Variants in LRCH2 observed in about 807,000 individuals in gnomAD.
The protein encoded by LRCH2 is leucine-rich repeat and calponin homology domain-containing protein 2.
A neutral mutation model predicts 68.9 loss-of-function variants in LRCH2; 38 were observed. That is an observed-to-expected ratio of 0.55 (90% CI 0.43 to 0.72). LRCH2 has a LOEUF of 0.72. Ranked by LOEUF, LRCH2 falls within the 30% of genes least tolerant of loss-of-function variation. The pLI is 0.00. For synonymous variants in LRCH2, 191 were observed against 208.1 expected, an observed-to-expected ratio of 0.92 and a Z score of 0.71; for missense variants, 528 against 572.9, an observed-to-expected ratio of 0.92 and a Z score of 0.80.
In LRCH2 at chrX:115,124,010, A is replaced by G; in HGVS notation, c.1792-8T>C. ...ATCAGTTCTGTCATATTCCTAAAAA[A>G]AAATTAAAAAGTTAAAAATAAATAA... On this transcript the variant is annotated splice_region_variant and splice_polypyrimidine_tract_variant and intron_variant, in intron 16 of 20. Coordinates refer to ENST00000317135, the MANE Select transcript of LRCH2 (RefSeq NM_020871.4). 1 of 1,012,855 alleles carries G rather than the reference A, an allele frequency of 9.9e-7. No individual in the cohort carries two copies. Among genetic ancestry groups the G allele is most frequent in the Middle Eastern group, 3.9e-4 (1 of 2,539 alleles). 83.5% of individuals were successfully genotyped at this position (1,012,855 alleles called of 1,213,427 possible).
chrX:115,113,522 T>G (rs1174303059), intron 20 of LRCH2, among the ~76,000 whole-genome samples, 187 bp from the exon 21 acceptor site: 3 of 111,327 alleles, frequency 2.7e-5, no homozygotes, highest in African/African-American at 9.7e-5. Context: ...GAAAAAAGAT[T>G]ATAGAAGTCG....
At chrX:115,170,239 A>T in intron 6 of LRCH2, 60 bp downstream of exon 6, 1 of 1,049,327 alleles carries the variant, frequency 9.5e-7, no homozygotes, top group Non-Finnish European at 1.3e-6. Context: ...ATTAATAAGT[A>T]TATTTCATAA....
At position 115,147,569 on chromosome X, in the gene LRCH2, C is replaced by A. The variant is rs1208865148; in HGVS notation, c.1695+2258G>T. ...CTTCAAATATTATATCATTTGATCT[C>A]TTTTAATAACTTTATAACATAACTA... On this transcript the variant is annotated intron_variant, in intron 14 of 20. Coordinates refer to ENST00000317135, the MANE Select transcript of LRCH2 (RefSeq NM_020871.4). Among the ~76,000 whole-genome samples the A allele has an allele frequency of 2.7e-5, 3 of 111,148 alleles. 1 individual carries two copies. The highest frequency in any genetic ancestry group is 9.8e-5 in the African/African-American group (3 of 30,666).
chrX:115,191,821 C>G, intron 1 of LRCH2: 1 of 1,152,204 alleles, frequency 8.7e-7, no homozygotes, highest in South Asian at 1.9e-5. Flanking sequence ...CAGCGGAGGC[C>G]GCTCACCCAA....
intron 14 of LRCH2, among the ~76,000 whole-genome samples, chrX:115,132,828 A>C (rs1324512788): frequency 1.8e-5 from 2 of 111,973 alleles, no homozygotes; most frequent in African/African-American, 6.5e-5. Flanking sequence ...GTGATACTTG[A>C]GTGAATATGC....
In LRCH2 at chrX:115,192,288, C is replaced by G. The variant is rs970062912; in HGVS notation, c.350-3918G>C. The G allele has an allele frequency of 1.6e-5, 19 of 1,164,193 alleles. No individual in the cohort carries two copies. The African/African-American group carries it at 2.5e-4, about 16-fold the overall frequency. On this transcript the variant is annotated intron_variant, in intron 1 of 20. Coordinates refer to ENST00000317135, the MANE Select transcript of LRCH2 (RefSeq NM_020871.4). ...ACCGCTACGGAGGAGGAGGCCGCTA[C>G]GAGGAGTACCGAGGCCCCTCGCCTG...
intron 11 of LRCH2, among the ~76,000 whole-genome samples, chrX:115,162,727 T>C (rs1356437828): frequency 8.9e-6 from 1 of 111,937 alleles, no homozygotes; most frequent in Admixed American, 9.5e-5. Context: ...TATTTTTCAA[T>C]GTACATTTAA....
chrX:115,140,685 C>T (rs2072329385), intron 14 of LRCH2, among the ~76,000 whole-genome samples: 1 of 111,223 alleles, frequency 9.0e-6, no homozygotes, highest in Admixed American at 9.6e-5. Context: ...TTTAACAGAA[C>T]ATGAGCAGCG....
chrX:115,150,119 C>T (rs1410663220), intron 12 of LRCH2, 49 bp from the exon 13 acceptor site: 1 of 876,941 alleles, frequency 1.1e-6, no homozygotes, highest in African/African-American at 2.0e-5. Context: ...AGAATAAATC[C>T]TTAAATATAT....
At chrX:115,188,439 C>A in intron 1 of LRCH2, 69 bp from the exon 2 acceptor site, 1 of 744,957 alleles carries the variant, frequency 1.3e-6, no homozygotes, top group South Asian at 4.4e-5. Context: ...TATTTTCACA[C>A]TTGCTGAATC....
chrX:115,148,419 AAGG>A (rs2072405311), intron 14 of LRCH2, among the ~76,000 whole-genome samples: 1 of 112,033 alleles, frequency 8.9e-6, no homozygotes, highest in East Asian at 2.8e-4. Flanking sequence ...TACTATGATA[AAGG>A]AGAACTGGTT....
At chrX:115,190,378 G>A (rs62601530) in intron 1 of LRCH2, 166,750 of 1,160,447 alleles carry the variant, frequency 0.14, 9,085 homozygotes, top group Non-Finnish European at 0.16. Flanking sequence ...CCCATGCGGC[G>A]CTGCCCCTGT....
intron 20 of LRCH2, among the ~76,000 whole-genome samples, chrX:115,121,148 G>T (rs1399880806): frequency 5.5e-5 from 6 of 108,471 alleles, no homozygotes; most frequent in Non-Finnish European, 1.1e-4. Context: ...TTGTGCACAT[G>T]TGCCCTAAAA....
chrX:115,176,859 G>T (rs1419944898), intron 5 of LRCH2, among the ~76,000 whole-genome samples: 1 of 105,412 alleles, frequency 9.5e-6, no homozygotes, highest in African/African-American at 3.5e-5. Flanking sequence ...CGATTCTCGT[G>T]CCTCAGCCTC....
chrX:115,183,479 G>A (rs1315516859), intron 3 of LRCH2, among the ~76,000 whole-genome samples: 1 of 111,253 alleles, frequency 9.0e-6, no homozygotes, highest in Non-Finnish European at 1.9e-5. Context: ...TGGATCACTT[G>A]AGGCCAGGAG....
chrX:115,130,041 T>C lies in LRCH2; in HGVS notation c.1740+114A>G, dbSNP rs1313258078. ...TGTTTTTATTGTTGAAAAAAAACCA[T>C]GCATTAAATCAATAACAAAGAAACT... On this transcript the variant is annotated intron_variant, in intron 15 of 20. Transcript: ENST00000317135. The C allele has an allele frequency of 2.1e-5, 8 of 386,402 alleles. No individual in the cohort carries two copies. In the East Asian group the frequency reaches 3.8e-4, roughly 18 times the overall value. The allele number at this position is 386,402 out of a possible 1,213,427, so 31.8% of individuals were successfully genotyped here.
chrX:115,230,704 GA>G (rs1352569787), intron 1 of LRCH2, among the ~76,000 whole-genome samples: 1 of 111,852 alleles, frequency 8.9e-6, no homozygotes, highest in Non-Finnish European at 1.9e-5. Context: ...AACAATTTTT[GA>G]GTATTTAGTT....
At chrX:115,134,221 G>C (rs2072269567) in intron 14 of LRCH2, among the ~76,000 whole-genome samples, 1 of 112,421 alleles carries the variant, frequency 8.9e-6, no homozygotes, top group Non-Finnish European at 1.9e-5. Context: ...GGAAGCTGTA[G>C]AGGTTGGTTG....
intron 12 of LRCH2, among the ~76,000 whole-genome samples, chrX:115,153,145 CAA>C (rs782365745): frequency 1.7e-3 from 54 of 31,254 alleles, no homozygotes; most frequent in African/African-American, 3.9e-3. Context: ...CCTGTCTCTA[CAA>C]AAAAAAAAAA....
Sources: gnomAD v4.1 joint callset for allele counts (sites outside exome capture counted in the v4.1 genomes callset) on GRCh38, gnomAD v4.1.1 for gene constraint, MANE v1.5 for transcripts, NCBI Gene and HGNC (gene_info 2026-07-23, HGNC 2026-07-21) for gene names.